VPS13B: variants seen among roughly 807,000 people sequenced by gnomAD.
VPS13B encodes intermembrane lipid transfer protein VPS13B.
VPS13B carries 285 observed loss-of-function variants against 426.4 expected under a neutral mutation model. The ratio of observed to expected loss-of-function variants is 0.67; its 90% CI spans 0.61 to 0.74. The LOEUF is 0.74. Ranked by LOEUF, VPS13B falls within the 30% of genes least tolerant of loss-of-function variation. VPS13B has a pLI of 0.00. For missense variants in VPS13B, 4,537 were observed against 4,782.6 expected, an observed-to-expected ratio of 0.95 and a Z score of 1.51; for synonymous variants, 1,676 against 1,676.4, an observed-to-expected ratio of 1.00 and a Z score of 0.01.
chr8:99,488,224 T>G (rs1188293558), intron 25 of VPS13B, among the ~76,000 whole-genome samples: 1 of 152,166 alleles, frequency 6.6e-6, no homozygotes, highest in Non-Finnish European at 1.5e-5. Context: ...AGAATTATAG[T>G]AGCACTTAAT....
intron 17 of VPS13B, among the ~76,000 whole-genome samples, chr8:99,213,708 C>T (rs946403970): frequency 6.6e-6 from 1 of 152,150 alleles, no homozygotes. Flanking sequence ...AGGAGCATGT[C>T]CTCAACTTTG....
intron 19 of VPS13B, 47 bp from the exon 20 acceptor site, chr8:99,384,161 G>T (rs1443278918): frequency 2.7e-6 from 4 of 1,480,010 alleles, no homozygotes; most frequent in Non-Finnish European, 3.8e-6. Flanking sequence ...ATAGCTTATT[G>T]TTTTTTATGA....
intron 17 of VPS13B, among the ~76,000 whole-genome samples, chr8:99,238,885 G>A (rs1816771951): frequency 6.6e-6 from 1 of 151,630 alleles, no homozygotes; most frequent in South Asian, 2.1e-4. Context: ...CTTATATTTA[G>A]AATCTTACAA....
chr8:99,540,909 G>A (rs1588476914), intron 30 of VPS13B, among the ~76,000 whole-genome samples: 1 of 152,108 alleles, frequency 6.6e-6, no homozygotes, highest in East Asian at 1.9e-4. Context: ...TTCTATTACA[G>A]GGTTATTTTC....
Position 99,202,458 on chromosome 8 carries a change from G to A in VPS13B, c.2515+9401G>A, listed in dbSNP as rs572746238. ...TGCAATGGGATATCTAGAAGAAATG[G>A]GTAAATTCCTGGACACAGCCTCACA... On this transcript the variant is annotated intron_variant, in intron 17 of 61. Transcript: ENST00000357162. Among the ~76,000 whole-genome samples, 15 of 152,206 alleles carry A rather than the reference G, an allele frequency of 9.9e-5. No homozygotes were observed. In the East Asian group the frequency reaches 2.9e-3, roughly 29 times the overall value.
chr8:99,031,444 G>A (rs527254441), intron 2 of VPS13B, among the ~76,000 whole-genome samples: 1 of 152,112 alleles, frequency 6.6e-6, no homozygotes, highest in Non-Finnish European at 1.5e-5. Context: ...TTCCTTTGAG[G>A]TGTCATGTTT....
intron 36 of VPS13B, among the ~76,000 whole-genome samples, chr8:99,706,422 G>T (rs1832501151): frequency 6.6e-6 from 1 of 152,096 alleles, no homozygotes; most frequent in Non-Finnish European, 1.5e-5. Flanking sequence ...ATGCAATAAT[G>T]AGAAGCTTTT....
At chr8:99,234,224 C>T (rs1424505167) in intron 17 of VPS13B, 1 of 775,390 alleles carries the variant, frequency 1.3e-6, no homozygotes. Context: ...CGCTTAGCTC[C>T]TCCATGGCTA....
chr8:99,339,798 A>G (rs752603478), intron 19 of VPS13B, among the ~76,000 whole-genome samples: 1 of 152,060 alleles, frequency 6.6e-6, no homozygotes, highest in Non-Finnish European at 1.5e-5. Context: ...GTATAGCTGC[A>G]TTTTTTCCCC....
intron 17 of VPS13B, among the ~76,000 whole-genome samples, chr8:99,263,243 T>G (rs1411460249): frequency 1.3e-5 from 2 of 152,170 alleles, no homozygotes; most frequent in African/African-American, 4.8e-5. Context: ...AGTTTTCTTA[T>G]TTTTGATGTT....
chr8:99,409,116 A>G (rs1216182086), intron 21 of VPS13B, among the ~76,000 whole-genome samples: 1 of 152,134 alleles, frequency 6.6e-6, no homozygotes, highest in African/African-American at 2.4e-5. Context: ...CACTCTGAGG[A>G]TCCTTAGGGC....
chr8:99,108,188 T>A (rs1192038943), intron 5 of VPS13B, among the ~76,000 whole-genome samples: 1 of 152,252 alleles, frequency 6.6e-6, no homozygotes, highest in East Asian at 1.9e-4. Flanking sequence ...CATCCTTTTT[T>A]ATGGCTATGT....
chr8:99,501,423 G>A (rs899628043), intron 25 of VPS13B, among the ~76,000 whole-genome samples: 2 of 152,078 alleles, frequency 1.3e-5, no homozygotes, highest in Non-Finnish European at 2.9e-5. Flanking sequence ...ATACTCATTG[G>A]TTTAATCTTA....
chr8:99,446,478 G>A (rs950942091), intron 23 of VPS13B, among the ~76,000 whole-genome samples: 2 of 151,876 alleles, frequency 1.3e-5, no homozygotes, highest in Non-Finnish European at 2.9e-5. Context: ...AAGTTTTCTG[G>A]CATAATCTAT....
intron 34 of VPS13B, among the ~76,000 whole-genome samples, chr8:99,660,741 A>G (rs186024473): frequency 4.7e-4 from 72 of 152,174 alleles, no homozygotes; most frequent in Admixed American, 2.0e-3. Flanking sequence ...AAACAGAAAA[A>G]AAGTCTAAAC....
Position 99,216,736 on chromosome 8 carries a change from T to A in VPS13B, c.2515+23679T>A, listed in dbSNP as rs541502911. On this transcript the variant is annotated intron_variant, in intron 17 of 61. Coordinates refer to ENST00000357162, the MANE Select transcript of VPS13B (RefSeq NM_152564.5). ...AATACTTACTGGGTTCAAATACTTT[T>A]AAAAAAAGAATGTAAAGTATCTTAA... Among the ~76,000 whole-genome samples, 4 of 152,022 alleles carry A rather than the reference T, an allele frequency of 2.6e-5. No homozygotes were observed. In the South Asian group the frequency reaches 8.3e-4, roughly 32 times the overall value.
rs180740999 is a variant in VPS13B, at chr8:99,193,940, G to A, written c.2515+883G>A. Reference sequence around the variant, plus strand: ...ATACATAATGAGATATACTGGAGATGTGACTCAAGTCTAAATATGAAATTC... The same window carrying A: ...ATACATAATGAGATATACTGGAGATATGACTCAAGTCTAAATATGAAATTC... On this transcript the variant is annotated intron_variant, in intron 17 of 61. Coordinates refer to ENST00000357162, the MANE Select transcript of VPS13B (RefSeq NM_152564.5). 1.7e-3 allele frequency among the ~76,000 whole-genome samples: 258 copies of A among 152,244 alleles called. 2 individuals are homozygous for A. Among genetic ancestry groups the A allele is most frequent in the South Asian group, 5.8e-3 (28 of 4,826 alleles).
chr8:99,255,379 A>T (rs1339858667), intron 17 of VPS13B, among the ~76,000 whole-genome samples: 1 of 152,060 alleles, frequency 6.6e-6, no homozygotes, highest in East Asian at 1.9e-4. Flanking sequence ...CATCTCAGTG[A>T]CATCTATTAT....
rs1262546951 is a variant in VPS13B at position 99,641,934 on chromosome 8, C to G, written c.5344C>G (p.Gln1782Glu). The G allele has an allele frequency of 6.2e-7, 1 of 1,614,048 alleles. No individual in the cohort carries two copies. Among genetic ancestry groups the G allele is most frequent in the Non-Finnish European group, 8.5e-7 (1 of 1,180,012 alleles). ...GSDSVKIRIV[Q>E]IEQHSGASQH... is the part of the protein sequence containing the mutation. ...TGACAGTGTTAAAATCAGAATAGTG[C>G]AAATAGAGCAGCACAGTGGTGCCAG... Residue 1782 changes from glutamine (Q) to glutamate (E), a missense_variant, in exon 34 of 62, where the codon CAA becomes GAA. Coordinates refer to ENST00000357162, the MANE Select transcript of VPS13B (RefSeq NM_152564.5).
Sources: gnomAD v4.1 joint callset for allele counts (sites outside exome capture counted in the v4.1 genomes callset) on GRCh38, gnomAD v4.1.1 for gene constraint, MANE v1.5 for transcripts, NCBI Gene and HGNC (gene_info 2026-07-23, HGNC 2026-07-21) for gene names.